Variants in CAPN15 observed in about 807,000 individuals in gnomAD.
The protein encoded by CAPN15 is calpain-15.
A neutral mutation model predicts 97.9 loss-of-function variants in CAPN15; 53 were observed. The observed-to-expected ratio is 0.54, with a 90% confidence interval of 0.43 to 0.68. The LOEUF (loss-of-function observed/expected upper bound fraction) is 0.68, where lower values mean the gene tolerates loss of function less well. Among genes scored for constraint, CAPN15 ranks in the 30% least tolerant of loss-of-function variants. The pLI is 0.00. For missense variants in CAPN15, 1,592 were observed against 1,589.8 expected (o/e 1.00, Z -0.02); for synonymous variants, 922 against 722.5 (o/e 1.28, Z -4.43).
chr16:548,273 G>C lies in CAPN15; in HGVS notation c.1435G>C (p.Ala479Pro). ...CAAGGCACTCTGGGAGAACATCGTG[G>C]CCTTCTGCCGGGAGGTGAGGCGCCC... ...EAKALWENIV[A>P]FCRENNVSFV... The change falls in exon 4 of 14, where the codon GCC becomes CCC. Residue 479 changes from alanine to proline, a missense_variant. Coordinates refer to ENST00000219611, the MANE Select transcript of CAPN15 (RefSeq NM_005632.3). 1 of 1,515,210 alleles carries C rather than the reference G, an allele frequency of 6.6e-7. No homozygotes were observed. The highest frequency in any genetic ancestry group is 8.8e-7 in the Non-Finnish European group (1 of 1,133,466). 93.9% of individuals were successfully genotyped at this position (1,515,210 alleles called of 1,614,324 possible).
rs768256510 is a variant in CAPN15 at position 547,271 on chromosome 16, G to A, written c.433G>A (p.Gly145Arg). The change falls in exon 4 of 14, where the codon GGG becomes AGG. Residue 145 changes from glycine (G) to arginine (R), a missense_variant. Gly to Arg is a moderately radical substitution (Grantham distance 125). This residue lies in a region of CAPN15 where 883 missense variants were observed against 776.6 expected (regional missense o/e 1.14). Transcript: ENST00000219611. ...EEEEGAAEPRGGWACPRCTLH... is the reference protein window; with the variant it reads ...EEEEGAAEPRRGWACPRCTLH... The stretch of plus-strand genomic sequence containing the variant: ...GGAGGAGGGAGCGGCGGAGCCCAGA[G>A]GGGGCTGGGCGTGTCCGCGTTGCAC... The A allele has an allele frequency of 8.6e-6, 13 of 1,509,732 alleles. No individual in the cohort carries two copies. The highest frequency in any genetic ancestry group is 3.8e-5 in the South Asian group (3 of 79,600). The allele number at this position is 1,509,732 out of a possible 1,614,324, so 93.5% of individuals were successfully genotyped here.
At chr16:541,076 C>T (rs1408381634) in intron 3 of CAPN15, among the ~76,000 whole-genome samples, 1 of 152,244 alleles carries the variant, frequency 6.6e-6, no homozygotes, top group African/African-American at 2.4e-5. Flanking sequence ...CTGCGTCTCA[C>T]ACTCAAAAGG....
intron 3 of CAPN15, among the ~76,000 whole-genome samples, chr16:544,880 C>T (rs576366143): frequency 1.6e-5 from 2 of 123,820 alleles, no homozygotes; most frequent in African/African-American, 6.3e-5. Context: ...CCCCTCACGT[C>T]GTCGTCTCCC....
chr16:542,221 C>T (rs929662963), intron 3 of CAPN15, among the ~76,000 whole-genome samples: 1 of 152,232 alleles, frequency 6.6e-6, no homozygotes, highest in African/African-American at 2.4e-5. Flanking sequence ...TTCCACGTGG[C>T]TTCTGTGGAC....
In CAPN15 at chr16:552,777, T is replaced by C. The variant is rs1309930854; in HGVS notation, c.2904+6T>C. On this transcript the variant is annotated splice_donor_region_variant and intron_variant, in intron 12 of 13. Transcript: ENST00000219611. The surrounding 1 kb of genome is among the most constrained non-coding windows in gnomAD (Gnocchi z 6.4). ...GCCGCGGAGAGCGGCACGAGGTGGG[T>C]GGGGGTCCCGGGGGAGGGTGGCGTG... 20 of 1,491,166 alleles carry C rather than the reference T, an allele frequency of 1.3e-5. No homozygotes were observed. Among genetic ancestry groups the C allele is most frequent in the Admixed American group, 8.6e-5 (4 of 46,352 alleles). 92.4% of individuals were successfully genotyped at this position (1,491,166 alleles called of 1,614,324 possible).
At position 549,306 on chromosome 16, in the gene CAPN15, G is replaced by A. The variant is rs1176553372; in HGVS notation, c.1677G>A (p.Ala559=). Residue 559 remains alanine (A), a synonymous_variant, in exon 6 of 14, where the codon GCG becomes GCA. Transcript: ENST00000219611. ...TGCGCAGGTTCCTGAGCGCCCTGGCGGTGCTGGCGGAGCGGCCGGACCTGG... is the reference window on the plus strand; with the variant it reads ...TGCGCAGGTTCCTGAGCGCCCTGGCAGTGCTGGCGGAGCGGCCGGACCTGG... ...LGNCWFLSAL[A]VLAERPDLVE... The A allele has an allele frequency of 1.4e-5, 23 of 1,591,256 alleles. No individual in the cohort carries two copies. The highest frequency in any genetic ancestry group is 3.7e-4 in the Middle Eastern group (2 of 5,454).
At chr16:551,202 GTCCCCAGT>G in intron 7 of CAPN15, 92 bp from the exon 8 acceptor site, 1 of 1,467,028 alleles carries the variant, frequency 6.8e-7, no homozygotes, top group Non-Finnish European at 9.0e-7. Flanking sequence ...GTCGGTGAGG[GTCCCCAGT>G]CGGTGAGGGT....
Position 548,151 on chromosome 16 carries a change from C to T in CAPN15, c.1313C>T (p.Pro438Leu). Residue 438 changes from proline (P) to leucine (L), a missense_variant, in exon 4 of 14, where the codon CCT becomes CTT. Pro to Leu is a moderately conservative substitution (Grantham distance 98). Around this residue, in one of 3 missense-constraint regions of CAPN15, gnomAD observed 883 missense variants for 776.6 expected, o/e 1.14. Coordinates refer to ENST00000219611, the MANE Select transcript of CAPN15 (RefSeq NM_005632.3). Reference sequence around the variant, plus strand: ...AAGCACTGCGCCGCCTGCCACACGCCTCAGCTCCTGGTGGCCCAGCGGCGG... The same window carrying T: ...AAGCACTGCGCCGCCTGCCACACGCTTCAGCTCCTGGTGGCCCAGCGGCGG... Reference protein sequence around the residue: ...RAKHCAACHTPQLLVAQRRGA... With the variant: ...RAKHCAACHTLQLLVAQRRGA... 6.5e-7 allele frequency: 1 copy of T among 1,537,590 alleles called. No homozygotes were observed. Among genetic ancestry groups the T allele is most frequent in the Non-Finnish European group, 8.7e-7 (1 of 1,143,042 alleles).
At chr16:536,003 G>GCCCC (rs34150277) in intron 2 of CAPN15, 26 bp from the exon 3 acceptor site, 5 of 34,066 alleles carry the variant, frequency 1.5e-4, no homozygotes, top group Non-Finnish European at 2.2e-4. Flanking sequence ...GCCCCTGCAC[G>GCCCC]CCCCCCCCCC....
chr16:538,641 C>T (rs1460788189), intron 3 of CAPN15: 2 of 152,158 alleles, frequency 1.3e-5, no homozygotes, highest in Non-Finnish European at 2.9e-5. Flanking sequence ...CTGTCTCACC[C>T]CCTCAGCCCC....
intron 3 of CAPN15, among the ~76,000 whole-genome samples, chr16:544,064 C>T (rs529210243): frequency 2.0e-5 from 3 of 152,194 alleles, no homozygotes; most frequent in South Asian, 2.1e-4. Context: ...AAGTCATCTA[C>T]GGGCCGGGCA....
At chr16:551,218 G>C (rs1460185850) in intron 7 of CAPN15, 84 bp from the exon 8 acceptor site, 40 of 1,494,246 alleles carry the variant, frequency 2.7e-5, no homozygotes, top group Admixed American at 4.2e-5. Flanking sequence ...AGTCGGTGAG[G>C]GTCCCGGTCA....
Position 547,708 on chromosome 16 carries a change from G to C in CAPN15, c.870G>C (p.Leu290=). The change falls in exon 4 of 14, where the codon CTG becomes CTC. Residue 290 remains leucine, a synonymous_variant. Transcript: ENST00000219611. Reference sequence around the variant, plus strand: ...GGGCCTCCCGCCTAGCAGAGTTGCTGTCTGGCAAGCGGCTGAGTGTGCTGG... The same window carrying C: ...GGGCCTCCCGCCTAGCAGAGTTGCTCTCTGGCAAGCGGCTGAGTGTGCTGG... ...WAGASRLAEL[L]SGKRLSVLEE... 17 of 1,599,896 alleles carry C rather than the reference G, an allele frequency of 1.1e-5. No individual in the cohort carries two copies. The highest frequency in any genetic ancestry group is 1.5e-5 in the Non-Finnish European group (17 of 1,171,890).
rs992171775 is a variant in CAPN15 at position 535,159 on chromosome 16, C to A, written c.-136-870C>A. On this transcript the variant is annotated intron_variant, in intron 2 of 13. Coordinates refer to ENST00000219611, the MANE Select transcript of CAPN15 (RefSeq NM_005632.3). This position sits in a 1 kb window ranked among gnomAD's most constrained non-coding sequence, Gnocchi z 6.2. ...TGCCTTTGCCTGCATCCACTGGAGC[C>A]TCAGGAGCATGCGTTCCGTCCCCAC... 1.3e-5 allele frequency among the ~76,000 whole-genome samples: 2 copies of A among 152,136 alleles called. No individual in the cohort carries two copies. Among genetic ancestry groups the A allele is most frequent in the Non-Finnish European group, 2.9e-5 (2 of 68,006 alleles).
In CAPN15 at chr16:547,933, C is replaced by T. The variant is rs754153009; in HGVS notation, c.1095C>T (p.Cys365=). 2.5e-6 allele frequency: 4 copies of T among 1,603,344 alleles called. 1 individual carries two copies. In the South Asian group the frequency reaches 4.5e-5, roughly 18 times the overall value. Residue 365 remains cysteine (C), a synonymous_variant, in exon 4 of 14, where the codon TGC becomes TGT. Transcript: ENST00000219611. ...CCCCCAGGTGCTCGGCCTGCGGCTG[C>T]TCCAAACTGCACGGCTTCCAGGAGC... ...TVAPRCSACG[C]SKLHGFQEHG... is the part of the protein sequence containing the mutation.
Position 546,854 on chromosome 16 carries a change from G to A in CAPN15, c.16G>A (p.Glu6Lys). The stretch of plus-strand genomic sequence containing the variant: ...GCCCGGGTCTATGGCCACGGTCGGA[G>A]AGTGGTCCTGTGTGCGCTGCACCTT... MATVG[E>K]WSCVRCTFLN... The change falls in exon 4 of 14, where the codon GAG becomes AAG. Residue 6 changes from glutamate to lysine, a missense_variant. By Grantham distance (56) the Glu-to-Lys change is moderately conservative. Transcript: ENST00000219611. The A allele has an allele frequency of 6.2e-7, 1 of 1,609,664 alleles. No individual in the cohort carries two copies. The highest frequency in any genetic ancestry group is 8.5e-7 in the Non-Finnish European group (1 of 1,178,154).
intron 3 of CAPN15, among the ~76,000 whole-genome samples, chr16:542,896 C>G (rs2142006655): frequency 6.6e-6 from 1 of 152,230 alleles, no homozygotes; most frequent in African/African-American, 2.4e-5. Flanking sequence ...TCTACTAAAA[C>G]AAAAATTAGC....
At position 552,222 on chromosome 16, in the gene CAPN15, G is replaced by A; in HGVS notation, c.2507+10G>A. 6.5e-7 allele frequency: 1 copy of A among 1,532,316 alleles called. No homozygotes were observed. Among genetic ancestry groups the A allele is most frequent in the Non-Finnish European group, 8.8e-7 (1 of 1,137,600 alleles). The allele number at this position is 1,532,316 out of a possible 1,614,324, so 94.9% of individuals were successfully genotyped here. A position where few individuals can be genotyped will look rare whatever the true frequency, so the allele number is the denominator to read the frequency against. On this transcript the variant is annotated intron_variant, in intron 10 of 13. Coordinates refer to ENST00000219611, the MANE Select transcript of CAPN15 (RefSeq NM_005632.3). This position sits in a 1 kb window ranked among gnomAD's most constrained non-coding sequence, Gnocchi z 6.4. ...TCCAGGAGGGCAGCAGGTGGGTGCT[G>A]CGGGGCCCCATCGGGCTGGGCTGGG...
intron 1 of CAPN15, among the ~76,000 whole-genome samples, chr16:532,991 C>T (rs531849046): frequency 3.9e-5 from 6 of 152,082 alleles, no homozygotes; most frequent in Admixed American, 6.5e-5. Flanking sequence ...GAGGCCGAGG[C>T]GGGTGGATCA....
Sources: gnomAD v4.1 joint callset for allele counts (sites outside exome capture counted in the v4.1 genomes callset) on GRCh38, gnomAD v4.1.1 for gene constraint, gnomAD v4.1.1 regional missense constraint, Gnocchi (gnomAD v3.1) non-coding constraint, MANE v1.5 for transcripts, NCBI Gene and HGNC (gene_info 2026-07-23, HGNC 2026-07-21) for gene names.